The following CATSPER1 variants were observed in gnomAD, a reference collection of about 807,000 sequenced individuals.
CATSPER1 encodes the protein cation channel sperm-associated protein 1.
A neutral mutation model predicts 72.7 loss-of-function variants in CATSPER1; 57 were observed. The observed-to-expected ratio is 0.78, with a 90% confidence interval of 0.63 to 0.98. CATSPER1 has a LOEUF of 0.98. CATSPER1 is among the 50% of genes least tolerant of loss of function. CATSPER1 has a pLI of 0.00. For missense variants in CATSPER1, 910 were observed against 1,033.9 expected (o/e 0.88, Z 1.64); for synonymous variants, 363 against 403.0 (o/e 0.90, Z 1.19).
chr11:66,022,512 T>C (rs1856395199), intron 2 of CATSPER1, among the ~76,000 whole-genome samples: 1 of 152,178 alleles, frequency 6.6e-6, no homozygotes, highest in Admixed American at 6.5e-5. Context: ...CCTTACATCC[T>C]CGCCCCTCCA....
In CATSPER1 at chr11:66,026,131, C is replaced by T. The variant is rs759895166; in HGVS notation, c.249G>A (p.Glu83=). 3.2e-5 allele frequency: 51 copies of T among 1,607,034 alleles called. No individual in the cohort carries two copies. Among genetic ancestry groups the T allele is most frequent in the Non-Finnish European group, 9.4e-6 (11 of 1,174,270 alleles). ...SHVHQSHHHS[E]ARNHGRAHGP... is the part of the protein sequence containing the mutation. The stretch of plus-strand genomic sequence containing the variant: ...CATGGGCTCTGCCGTGATTCCGTGC[C>T]TCGCTGTGGTGGTGAGATTGGTGGA... The change falls in exon 1 of 12, where the codon GAG becomes GAA. Residue 83 remains glutamate, a synonymous_variant. Coordinates refer to ENST00000312106, the MANE Select transcript of CATSPER1 (RefSeq NM_053054.4).
chr11:66,024,281 T>G lies in CATSPER1; in HGVS notation c.1216+883A>C, dbSNP rs200876888. Among the ~76,000 whole-genome samples, 644 of 84,628 alleles carry G rather than the reference T, an allele frequency of 7.6e-3. 2 individuals carry two copies. Among genetic ancestry groups the G allele is most frequent in the South Asian group, 0.014 (28 of 2,050 alleles). 55.5% of individuals were successfully genotyped at this position (84,628 alleles called of 152,430 possible). A position where few individuals can be genotyped will look rare whatever the true frequency, so the allele number is the denominator to read the frequency against. On this transcript the variant is annotated intron_variant, in intron 1 of 11. Transcript: ENST00000312106. ...GCACCCAGCCTATTTGTTTTTTTTT[T>G]TTTTTTTTTTTTTTCCTACGGAGTC...
At position 66,020,415 on chromosome 11, in the gene CATSPER1, C is replaced by T; in HGVS notation, c.1992-26G>A. Reference sequence around the variant, plus strand: ...CTGGGGAGAGGGACAGGGGTGTGCCCTCAGCGAGGAGGCCAGAGGAGAGGG... The same window carrying T: ...CTGGGGAGAGGGACAGGGGTGTGCCTTCAGCGAGGAGGCCAGAGGAGAGGG... On this transcript the variant is annotated intron_variant, in intron 7 of 11. Transcript: ENST00000312106. This position sits in a 1 kb window ranked among gnomAD's most constrained non-coding sequence, Gnocchi z 4.5. 2.5e-6 allele frequency: 4 copies of T among 1,613,852 alleles called. No homozygotes were observed. The highest frequency in any genetic ancestry group is 1.3e-5 in the African/African-American group (1 of 75,022).
intron 9 of CATSPER1, 140 bp from the exon 10 acceptor site, chr11:66,019,042 C>T (rs943694154): frequency 5.9e-5 from 42 of 714,572 alleles, no homozygotes; most frequent in East Asian, 3.2e-4. Flanking sequence ...GCATGCAGCA[C>T]GATGCAGTTC....
intron 1 of CATSPER1, among the ~76,000 whole-genome samples, chr11:66,024,698 T>C (rs1190421274): frequency 5.3e-5 from 8 of 152,178 alleles, no homozygotes; most frequent in Non-Finnish European, 5.9e-5. Flanking sequence ...TAATCTCTGT[T>C]CTCAAGCAGC....
rs1415986649 is a variant in CATSPER1, at chr11:66,020,667, C to T, written c.1928-40G>A. On this transcript the variant is annotated intron_variant, in intron 6 of 11. Coordinates refer to ENST00000312106, the MANE Select transcript of CATSPER1 (RefSeq NM_053054.4). This position sits in a 1 kb window ranked among gnomAD's most constrained non-coding sequence, Gnocchi z 4.5. ...CCAGAGGGCACAGTCAGGCTGTGCT[C>T]GCCACCCCCAACCACGACCTGCTCC... 3.7e-6 allele frequency: 6 copies of T among 1,601,728 alleles called. No homozygotes were observed. In the African/African-American group the frequency reaches 4.0e-5, roughly 11 times the overall value.
At chr11:66,018,723 C>G (rs1856289799) in intron 10 of CATSPER1, 104 bp downstream of exon 10, 2 of 1,273,092 alleles carry the variant, frequency 1.6e-6, no homozygotes, top group African/African-American at 2.9e-5. Context: ...GCGCTCCATC[C>G]CCTTCTAGAG....
In CATSPER1 at chr11:66,026,187, C is replaced by T. The variant is rs746517623; in HGVS notation, c.193G>A (p.Asp65Asn). Residue 65 changes from aspartate to asparagine, a missense_variant, in exon 1 of 12, where the codon GAC (aspartate) becomes AAC (asparagine). Physicochemically the swap from Asp to Asn is conservative, Grantham distance 23 (BLOSUM62 1). Coordinates refer to ENST00000312106, the MANE Select transcript of CATSPER1 (RefSeq NM_053054.4). ...GAGGACAAGGCTTGGTCGTGGAAGT[C>T]TTGGAACTCCGGAGGGTGGTGAGAT... The part of the protein sequence containing the change: ...GESHHPPEFQ[D>N]FHDQALSSHV... The T allele has an allele frequency of 6.2e-7, 1 of 1,607,344 alleles. No individual in the cohort carries two copies. The highest frequency in any genetic ancestry group is 8.5e-7 in the Non-Finnish European group (1 of 1,174,490).
chr11:66,020,747 C>A lies in CATSPER1; in HGVS notation c.1927+64G>T. 1 of 1,611,046 alleles carries A rather than the reference C, an allele frequency of 6.2e-7. No individual in the cohort carries two copies. On this transcript the variant is annotated intron_variant, in intron 6 of 11. Coordinates refer to ENST00000312106, the MANE Select transcript of CATSPER1 (RefSeq NM_053054.4). This position sits in a 1 kb window ranked among gnomAD's most constrained non-coding sequence, Gnocchi z 4.5. Reference sequence around the variant, plus strand: ...AAGCCCCACTTTGCCGATGGGGTCACTGAGCCCTGGCCGGTCCACCCCGCC... The same window carrying A: ...AAGCCCCACTTTGCCGATGGGGTCAATGAGCCCTGGCCGGTCCACCCCGCC...
Position 66,026,208 on chromosome 11 carries a change from G to A in CATSPER1, c.172C>T (p.His58Tyr), listed in dbSNP as rs1205172272. ...AAGTCTTGGAACTCCGGAGGGTGGTGAGATTCACCACGTTGGTGGGGCACG... is the reference window on the plus strand; with the variant it reads ...AAGTCTTGGAACTCCGGAGGGTGGTAAGATTCACCACGTTGGTGGGGCACG... ...HGVPHQRGES[H>Y]HPPEFQDFHD... Residue 58 changes from histidine (H) to tyrosine (Y), a missense_variant, in exon 1 of 12, where the codon CAC (histidine) becomes TAC (tyrosine). By Grantham distance (83) the His-to-Tyr change is moderately conservative (BLOSUM62 2). Coordinates refer to ENST00000312106, the MANE Select transcript of CATSPER1 (RefSeq NM_053054.4). 7 of 1,610,190 alleles carry A rather than the reference G, an allele frequency of 4.3e-6. No homozygotes were observed. The African/African-American group carries it at 8.0e-5, about 18-fold the overall frequency.
At chr11:66,022,780 T>TC in intron 2 of CATSPER1, 69 bp downstream of exon 2, 2 of 1,513,064 alleles carry the variant, frequency 1.3e-6, no homozygotes, top group Non-Finnish European at 1.8e-6. Context: ...CGGCACTGGA[T>TC]CAGGCCCACG....
Position 66,023,027 on chromosome 11 carries a change from G to A in CATSPER1, c.1251C>T (p.His417=). 1 of 1,614,232 alleles carries A rather than the reference G, an allele frequency of 6.2e-7. No homozygotes were observed. Among genetic ancestry groups the A allele is most frequent in the East Asian group, 2.2e-5 (1 of 44,892 alleles). The part of the protein sequence containing the change: ...GRLQRTRKKG[H]STNLFQWLWE... ...ACAGCCACTGGAAGAGATTGGTAGAGTGTCCCTTCTTGCGGGTCCGCTGGA... is the reference window on the plus strand; with the variant it reads ...ACAGCCACTGGAAGAGATTGGTAGAATGTCCCTTCTTGCGGGTCCGCTGGA... Residue 417 remains histidine, a synonymous_variant, in exon 2 of 12, where the codon CAC becomes CAT. Transcript: ENST00000312106.
chr11:66,018,383 G>A (rs1284692925), intron 10 of CATSPER1, among the ~76,000 whole-genome samples: 1 of 152,086 alleles, frequency 6.6e-6, no homozygotes, highest in Non-Finnish European at 1.5e-5. Context: ...AGGAATGGAG[G>A]TTGAGCATCG....
In CATSPER1 at chr11:66,018,695, GCT is replaced by G. The variant is rs1856288829; in HGVS notation, c.2201+130_2201+131del. On this transcript the variant is annotated intron_variant, in intron 10 of 11. Transcript: ENST00000312106. ...CAGGGTCTCCTCGTTGCACCCACAG[GCT>G]CATCCACAAGCCTCAGCGCTCCATC... 4 of 970,226 alleles carry G rather than the reference GCT, an allele frequency of 4.1e-6. No individual in the cohort carries two copies. The Admixed American group carries it at 7.7e-5, about 19-fold the overall frequency. 60.1% of individuals were successfully genotyped at this position (970,226 alleles called of 1,614,324 possible).
chr11:66,019,155 C>T (rs2134987661), intron 9 of CATSPER1, among the ~76,000 whole-genome samples: 1 of 152,318 alleles, frequency 6.6e-6, no homozygotes, highest in South Asian at 2.1e-4. Flanking sequence ...TGTCCTTTGG[C>T]TGAGGTTAGC....
At position 66,020,601 on chromosome 11, in the gene CATSPER1, C is replaced by T. The variant is rs3814747; in HGVS notation, c.1954G>A (p.Val652Ile). Residue 652 changes from valine (V) to isoleucine (I), a missense_variant, in exon 7 of 12, where the codon GTA becomes ATA. Physicochemically the swap from Val to Ile is conservative, Grantham distance 29. Transcript: ENST00000312106. This position sits in a 1 kb window ranked among gnomAD's most constrained non-coding sequence, Gnocchi z 4.5. ...AAGTACTGGATGATGATGTAAATTA[C>T]GAGGATGGGAATGATGTACCAGGCG... ...QGAWYIIPIL[V>I]IYIIIQYFIF... 1,596,725 of 1,612,422 alleles carry T rather than the reference C, an allele frequency of 0.99. 791,274 individuals carry two copies. Among genetic ancestry groups the T allele is most frequent in the Non-Finnish European group, 1 (1,179,204 of 1,179,584 alleles).
In CATSPER1 at chr11:66,025,803, G is replaced by T; in HGVS notation, c.577C>A (p.His193Asn). 6.2e-7 allele frequency: 1 copy of T among 1,613,506 alleles called. No homozygotes were observed. Among genetic ancestry groups the T allele is most frequent in the Non-Finnish European group, 8.5e-7 (1 of 1,179,658 alleles). ...GPNPYSESFH[H>N]SEASHLSGLQ... is the part of the protein sequence containing the mutation. ...CCGCTAAGGTGGGAAGCCTCGCTGT[G>T]GTGGAAGGACTCACTGTAGGGATTG... The change falls in exon 1 of 12, where the codon CAC becomes AAC. Residue 193 changes from histidine (H) to asparagine (N), a missense_variant. By Grantham distance (68) the His-to-Asn change is moderately conservative. Transcript: ENST00000312106.
rs750995445 is a variant in CATSPER1 at position 66,020,810 on chromosome 11, C to A, written c.1927+1G>T. 6.2e-7 allele frequency: 1 copy of A among 1,613,782 alleles called. No homozygotes were observed. The highest frequency in any genetic ancestry group is 8.5e-7 in the Non-Finnish European group (1 of 1,179,998). On this transcript the variant is annotated splice_donor_variant, in intron 6 of 11. Coordinates refer to ENST00000312106, the MANE Select transcript of CATSPER1 (RefSeq NM_053054.4). LOFTEE classifies it high-confidence loss of function. This position sits in a 1 kb window ranked among gnomAD's most constrained non-coding sequence, Gnocchi z 4.5. ...TCCCTGCAGCCTGGGGCCTGCCCTA[C>A]CCTGGGCACGGCTGTCCATGTAGAT...
chr11:66,021,445 T>G, intron 4 of CATSPER1, 51 bp downstream of exon 4: 1 of 1,601,472 alleles, frequency 6.2e-7, no homozygotes, highest in South Asian at 1.1e-5. Flanking sequence ...CTGGTCTGTG[T>G]CCCCTCTTCC....
Sources: allele counts gnomAD v4.1 joint callset (sites outside exome capture counted in the v4.1 genomes callset), GRCh38; gene constraint gnomAD v4.1.1; non-coding constraint Gnocchi (gnomAD v3.1); transcripts MANE v1.5; gene names NCBI Gene and HGNC (gene_info 2026-07-23, HGNC 2026-07-21).